Variants in STK32C observed in about 807,000 individuals in gnomAD.
The protein encoded by STK32C is serine/threonine-protein kinase 32C.
In STK32C, 31 loss-of-function variants were observed where a neutral mutation model predicts 56.5. The observed-to-expected ratio is 0.55, with a 90% CI of 0.41 to 0.74. The LOEUF is 0.74. Among genes scored for constraint, STK32C ranks in the 30% least tolerant of loss-of-function variants. The pLI, the probability that STK32C is intolerant of heterozygous loss-of-function variation, is 0.00. For synonymous variants in STK32C, 309 were observed against 289.4 expected (o/e 1.07, Z -0.69); for missense variants, 544 against 676.9 (o/e 0.80, Z 2.18).
chr10:132,266,997 A>G (rs1231931752), intron 1 of STK32C, among the ~76,000 whole-genome samples: 1 of 152,070 alleles, frequency 6.6e-6, no homozygotes, highest in Non-Finnish European at 1.5e-5. Context: ...GAGTGTTGGG[A>G]GCTCGGCCGT....
chr10:132,248,796 G>A (rs1286749116), intron 1 of STK32C, among the ~76,000 whole-genome samples: 1 of 152,126 alleles, frequency 6.6e-6, no homozygotes, highest in African/African-American at 2.4e-5. Flanking sequence ...GTGCTCTGGC[G>A]GCCTCCCCCA....
chr10:132,244,899 A>G (rs907263434), intron 2 of STK32C, among the ~76,000 whole-genome samples: 1 of 152,154 alleles, frequency 6.6e-6, no homozygotes, highest in Non-Finnish European at 1.5e-5. Flanking sequence ...AACCAGCCTC[A>G]CCAGCAACAA....
chr10:132,256,933 G>A (rs897858487), intron 1 of STK32C, among the ~76,000 whole-genome samples: 1 of 152,208 alleles, frequency 6.6e-6, no homozygotes, highest in Non-Finnish European at 1.5e-5. Flanking sequence ...AGCCAGTGGG[G>A]GGGACGCTGG....
At chr10:132,270,760 G>A (rs2064791434) in intron 1 of STK32C, among the ~76,000 whole-genome samples, 1 of 152,190 alleles carries the variant, frequency 6.6e-6, no homozygotes, top group Non-Finnish European at 1.5e-5. Context: ...ACCACAGCGA[G>A]CCCTGCACAT....
intron 1 of STK32C, among the ~76,000 whole-genome samples, chr10:132,262,095 C>T (rs951744851): frequency 6.6e-6 from 1 of 152,142 alleles, no homozygotes; most frequent in African/African-American, 2.4e-5. Flanking sequence ...CAAAAACAGA[C>T]ACATAGACCA....
At chr10:132,249,532 T>C (rs950852518) in intron 1 of STK32C, among the ~76,000 whole-genome samples, 4 of 152,090 alleles carry the variant, frequency 2.6e-5, no homozygotes, top group African/African-American at 9.7e-5. Flanking sequence ...CTGCCGGCCA[T>C]GTCCACAGGG....
intron 10 of STK32C, among the ~76,000 whole-genome samples, chr10:132,216,776 C>T (rs901259617): frequency 7.2e-5 from 11 of 152,236 alleles, no homozygotes; most frequent in Non-Finnish European, 1.2e-4. Context: ...TCAGAGGGTA[C>T]AAGCCCCAAG....
intron 1 of STK32C, among the ~76,000 whole-genome samples, chr10:132,303,994 C>T (rs967579216): frequency 6.6e-6 from 1 of 152,226 alleles, no homozygotes; most frequent in Non-Finnish European, 1.5e-5. Flanking sequence ...CAGCATGGCC[C>T]ATAAACAATG....
At chr10:132,210,900 G>C (rs1354741738) in intron 10 of STK32C, among the ~76,000 whole-genome samples, 1 of 152,224 alleles carries the variant, frequency 6.6e-6, no homozygotes, top group African/African-American at 2.4e-5. Context: ...CCCTGAGTGG[G>C]GACTGTCCCG....
chr10:132,307,551 C>A lies in STK32C; in HGVS notation c.262+21G>T. 1 of 1,534,094 alleles carries A rather than the reference C, an allele frequency of 6.5e-7. No homozygotes were observed. Among genetic ancestry groups the A allele is most frequent in the Non-Finnish European group, 8.8e-7 (1 of 1,141,992 alleles). On this transcript the variant is annotated intron_variant, in intron 1 of 11. Transcript: ENST00000298630. This position sits in a 1 kb window ranked among gnomAD's most constrained non-coding sequence, Gnocchi z 4.4. ...CTGCAATAGCGCGCGGCCCCCACGT[C>A]GTCCCCGTGCCCGCACTCACCGTCC...
chr10:132,325,278 C>T (rs570690030), intron 1 of STK32C, among the ~76,000 whole-genome samples: 4 of 152,140 alleles, frequency 2.6e-5, no homozygotes, highest in East Asian at 1.9e-4. Context: ...CCCGGCCGGG[C>T]GCGGTGGCTC....
At chr10:132,264,931 G>A (rs1479781590) in intron 1 of STK32C, among the ~76,000 whole-genome samples, 1 of 152,266 alleles carries the variant, frequency 6.6e-6, no homozygotes, top group Non-Finnish European at 1.5e-5. Context: ...ATTCACAAAA[G>A]TTCAAGCCTC....
At chr10:132,305,205 T>C (rs1030868199) in intron 1 of STK32C, among the ~76,000 whole-genome samples, 2 of 152,150 alleles carry the variant, frequency 1.3e-5, no homozygotes, top group African/African-American at 4.8e-5. Context: ...CTGGAGACCC[T>C]CAGTTCTGGC....
chr10:132,316,896 C>T (rs1036823830), intron 1 of STK32C, among the ~76,000 whole-genome samples: 1 of 147,058 alleles, frequency 6.8e-6, no homozygotes, highest in Admixed American at 7.0e-5. Context: ...TCTAAAACTA[C>T]AAAAATTAGG....
chr10:132,294,506 C>G lies in STK32C; in HGVS notation c.262+13066G>C, dbSNP rs367899695. 2.6e-5 allele frequency among the ~76,000 whole-genome samples: 4 copies of G among 152,144 alleles called. No homozygotes were observed. The South Asian group carries it at 6.2e-4, about 24-fold the overall frequency. ...TGAGAAATAGGGCTGTGGGCTGACA[C>G]TTTCGTAGCACAGGAAATAAAGCAT... is the stretch of plus-strand genomic sequence containing the variant. On this transcript the variant is annotated intron_variant, in intron 1 of 11. Coordinates refer to ENST00000298630, the MANE Select transcript of STK32C (RefSeq NM_173575.4).
chr10:132,261,533 G>A (rs528792809), intron 1 of STK32C, among the ~76,000 whole-genome samples: 1 of 152,346 alleles, frequency 6.6e-6, no homozygotes, highest in East Asian at 1.9e-4. Context: ...GGGAGGCCAA[G>A]GCAGGTGGAT....
intron 1 of STK32C, among the ~76,000 whole-genome samples, chr10:132,278,771 A>G (rs2065065009): frequency 6.6e-6 from 1 of 152,048 alleles, no homozygotes; most frequent in South Asian, 2.1e-4. Context: ...AAAAAAAAAA[A>G]AAAAAAATTC....
Position 132,299,983 on chromosome 10 carries a change from G to A in STK32C, c.262+7589C>T, listed in dbSNP as rs371992596. ...GAGTAGGCGGCACCAAAACCCCCGC[G>A]GACTCCTGCTCACATCCCAGCATCG... is the stretch of plus-strand genomic sequence containing the variant. On this transcript the variant is annotated intron_variant, in intron 1 of 11. Transcript: ENST00000298630. Among the ~76,000 whole-genome samples, 663 of 152,310 alleles carry A rather than the reference G, an allele frequency of 4.4e-3. 1 individual carries two copies. Among genetic ancestry groups the A allele is most frequent in the Non-Finnish European group, 7.1e-3 (483 of 68,020 alleles).
intron 1 of STK32C, among the ~76,000 whole-genome samples, chr10:132,254,269 T>A (rs7915711): frequency 0.091 from 13,866 of 151,750 alleles, 944 homozygotes; most frequent in East Asian, 0.37. Context: ...AGATCGCGCC[T>A]CTGCACTCCA....
Sources: gnomAD v4.1 joint callset for allele counts (sites outside exome capture counted in the v4.1 genomes callset) on GRCh38, gnomAD v4.1.1 for gene constraint, Gnocchi (gnomAD v3.1) non-coding constraint, MANE v1.5 for transcripts, NCBI Gene and HGNC (gene_info 2026-07-23, HGNC 2026-07-21) for gene names.